LRRC75A: variants seen among roughly 807,000 people sequenced by gnomAD.
LRRC75A encodes the protein leucine rich repeat containing 75A.
A neutral mutation model predicts 26.0 loss-of-function variants in LRRC75A; 12 were observed. The ratio of observed to expected loss-of-function variants is 0.46; its 90% confidence interval spans 0.30 to 0.75. LRRC75A has a LOEUF of 0.75. LRRC75A is among the 30% of genes least tolerant of loss of function. The pLI is 0.08. For synonymous variants in LRRC75A, 223 were observed against 219.3 expected (o/e 1.02, Z -0.15); for missense variants, 410 against 486.6 (o/e 0.84, Z 1.48).
chr17:16,474,174 G>A (rs561178523), intron 1 of LRRC75A, among the ~76,000 whole-genome samples: 1 of 152,010 alleles, frequency 6.6e-6, no homozygotes, highest in South Asian at 2.1e-4. Flanking sequence ...CTGACGGTGG[G>A]GGACAGACGT....
chr17:16,491,845 G>A lies in LRRC75A; in HGVS notation c.146C>T (p.Pro49Leu), dbSNP rs1296466472. 7 of 1,399,672 alleles carry A rather than the reference G, an allele frequency of 5.0e-6. No individual in the cohort carries two copies. The highest frequency in any genetic ancestry group is 1.5e-5 in the South Asian group (1 of 68,108). 86.7% of individuals were successfully genotyped at this position (1,399,672 alleles called of 1,614,324 possible). Residue 49 changes from proline to leucine, a missense_variant, in exon 1 of 4, where the codon CCC (proline) becomes CTC (leucine). Transcript: ENST00000470794. The surrounding 1 kb of genome is among the most constrained non-coding windows in gnomAD (Gnocchi z 5.9). ...DKAGRAGAGM[P>L]PYHRRVGMVQ... is the part of the protein sequence containing the mutation. ...CATGCCGACTCGCCGGTGGTAGGGG[G>A]GCATCCCCGCGCCCGCGCGCCCCGC...
chr17:16,459,495 C>T (rs577722998), intron 2 of LRRC75A, among the ~76,000 whole-genome samples: 8 of 152,244 alleles, frequency 5.3e-5, no homozygotes, highest in Admixed American at 2.0e-4. Flanking sequence ...GGGAGGCCCA[C>T]GTGCTAGAGC....
At chr17:16,482,074 TACCTGCCCCCGGTGCCAATGGAGAGAA>T (rs935131873) in intron 1 of LRRC75A, among the ~76,000 whole-genome samples, 2 of 152,140 alleles carry the variant, frequency 1.3e-5, no homozygotes, top group Non-Finnish European at 2.9e-5. Context: ...CCTGGGCCCT[TACCTGCCCCCGGTGCCAATGGAGAGAA>T]ACCTGCCCCA....
intron 1 of LRRC75A, among the ~76,000 whole-genome samples, chr17:16,481,669 C>T (rs1205655012): frequency 2.0e-5 from 3 of 151,934 alleles, no homozygotes; most frequent in Non-Finnish European, 4.4e-5. Context: ...GCAAGATGGC[C>T]CTGGCATTCA....
At chr17:16,471,939 GA>G (rs2093807639) in intron 1 of LRRC75A, among the ~76,000 whole-genome samples, 1 of 152,174 alleles carries the variant, frequency 6.6e-6, no homozygotes, top group African/African-American at 2.4e-5. Flanking sequence ...GTTGGGTGGG[GA>G]CAGGGTTTCA....
intron 1 of LRRC75A, among the ~76,000 whole-genome samples, chr17:16,468,972 C>A (rs1304470682): frequency 6.6e-6 from 1 of 152,210 alleles, no homozygotes; most frequent in East Asian, 1.9e-4. Flanking sequence ...CTACCCCTGA[C>A]ACTTGGTTAT....
chr17:16,463,946 A>T (rs2093747767), intron 1 of LRRC75A: 1 of 152,342 alleles, frequency 6.6e-6, no homozygotes, highest in Non-Finnish European at 1.5e-5. Flanking sequence ...GCGGTCTGGC[A>T]GCTGACATTG....
At chr17:16,485,656 G>GTC (rs1354674830) in intron 1 of LRRC75A, among the ~76,000 whole-genome samples, 96 of 123,316 alleles carry the variant, frequency 7.8e-4, no homozygotes, top group Non-Finnish European at 1.4e-3. Context: ...GTGTGTGTGT[G>GTC]TGTGTGTGTG....
intron 1 of LRRC75A, chr17:16,464,085 T>C (rs1217405097): frequency 6.6e-6 from 1 of 152,230 alleles, no homozygotes. Flanking sequence ...CTGCCGTGGT[T>C]AGGGGGCACT....
At position 16,462,898 on chromosome 17, in the gene LRRC75A, GCCAGGCA is replaced by G. The variant is rs894216368; in HGVS notation, c.247-519_247-513del. On this transcript the variant is annotated intron_variant, in intron 1 of 3. Coordinates refer to ENST00000470794, the MANE Select transcript of LRRC75A (RefSeq NM_001113567.3). The surrounding 1 kb of genome is among the most constrained non-coding windows in gnomAD (Gnocchi z 4.6). ...AGTGGTGGGGTTGTAAGCAGATCCT[GCCAGGCA>G]CCCAGAAGGAAACCTCATCAGGACT... 6.2e-6 allele frequency: 1 copy of G among 160,104 alleles called. No homozygotes were observed. The highest frequency in any genetic ancestry group is 1.4e-5 in the Non-Finnish European group (1 of 72,654). 9.9% of individuals were successfully genotyped at this position (160,104 alleles called of 1,614,324 possible).
chr17:16,463,103 C>T (rs2093740363), intron 1 of LRRC75A: 1 of 152,328 alleles, frequency 6.6e-6, no homozygotes, highest in Admixed American at 6.5e-5. Flanking sequence ...ATATGGTACC[C>T]TGGCATCTGA....
At chr17:16,480,356 A>G (rs2093830705) in intron 1 of LRRC75A, among the ~76,000 whole-genome samples, 1 of 152,152 alleles carries the variant, frequency 6.6e-6, no homozygotes, top group Admixed American at 6.5e-5. Context: ...CTGCCCGGGC[A>G]CGGTGGCTCA....
Position 16,447,935 on chromosome 17 carries a change from T to C in LRRC75A, c.401A>G (p.Glu134Gly). The C allele has an allele frequency of 6.4e-7, 1 of 1,551,008 alleles. No individual in the cohort carries two copies. Reference sequence around the variant, plus strand: ...GTATGTCAGCTGCCGGCACAGCTTCTCCATGGCGCCCAGTGCATCGCCTTC... The same window carrying C: ...GTATGTCAGCTGCCGGCACAGCTTCCCCATGGCGCCCAGTGCATCGCCTTC... ...KPEGDALGAM[E>G]KLCRQLTYHL... Residue 134 changes from glutamate (E) to glycine (G), a missense_variant, in exon 3 of 4, where the codon GAG becomes GGG. Transcript: ENST00000470794.
chr17:16,491,880 G>A lies in LRRC75A; in HGVS notation c.111C>T (p.Ala37=), dbSNP rs538927430. The A allele has an allele frequency of 2.9e-6, 4 of 1,364,560 alleles. No homozygotes were observed. Among genetic ancestry groups the A allele is most frequent in the South Asian group, 3.2e-5 (2 of 62,382 alleles). The allele number at this position is 1,364,560 out of a possible 1,614,324, so 84.5% of individuals were successfully genotyped here. ...CGCCCGCGCGCCCCGCCTTGTCCCC[G>A]GCGCGCAGCAGCAGCGACGCCCAGA... ...PDFWASLLLR[A]GDKAGRAGAG... is the part of the protein sequence containing the mutation. The change falls in exon 1 of 4, where the codon GCC becomes GCT. Residue 37 remains alanine (A), a synonymous_variant. Transcript: ENST00000470794. The surrounding 1 kb of genome is among the most constrained non-coding windows in gnomAD (Gnocchi z 5.9).
chr17:16,476,875 A>G (rs1360424268), intron 1 of LRRC75A, among the ~76,000 whole-genome samples: 1 of 151,436 alleles, frequency 6.6e-6, no homozygotes, highest in Non-Finnish European at 1.5e-5. Context: ...AGTAGCTGGG[A>G]CCACAGGCGC....
intron 1 of LRRC75A, among the ~76,000 whole-genome samples, chr17:16,488,571 C>A (rs1263626370): frequency 1.3e-5 from 2 of 152,206 alleles, no homozygotes; most frequent in African/African-American, 2.4e-5. Context: ...CTTTGGGAAA[C>A]AAAGAAACAC....
In LRRC75A at chr17:16,441,949, C is replaced by A; in HGVS notation, c.*1639G>T. 6.5e-6 allele frequency: 1 copy of A among 153,126 alleles called. No homozygotes were observed. The highest frequency in any genetic ancestry group is 1.5e-5 in the Non-Finnish European group (1 of 68,640). 9.5% of individuals were successfully genotyped at this position (153,126 alleles called of 1,614,324 possible). On this transcript the variant is annotated 3_prime_UTR_variant, in exon 4 of 4. Transcript: ENST00000470794. ...TTCTTTAAGCTGGAAATTGTAAATT[C>A]CTCCTGAAATGTTTTTTCATGCAGT...
chr17:16,460,335 G>A (rs1373915228), intron 2 of LRRC75A, among the ~76,000 whole-genome samples: 1 of 152,138 alleles, frequency 6.6e-6, no homozygotes, highest in Non-Finnish European at 1.5e-5. Context: ...CCCTGGCCCC[G>A]CCTCTACCCA....
chr17:16,448,539 C>T (rs2093605642), intron 2 of LRRC75A, among the ~76,000 whole-genome samples: 1 of 152,202 alleles, frequency 6.6e-6, no homozygotes, highest in South Asian at 2.1e-4. Context: ...GGCCCGTTGG[C>T]ATCTGAGTTT....
Sources: allele counts gnomAD v4.1 joint callset (sites outside exome capture counted in the v4.1 genomes callset), GRCh38; gene constraint gnomAD v4.1.1; non-coding constraint Gnocchi (gnomAD v3.1); transcripts MANE v1.5; gene names NCBI Gene and HGNC (gene_info 2026-07-23, HGNC 2026-07-21).